LRFN2: variants seen among roughly 807,000 people sequenced by gnomAD.
LRFN2 encodes the protein leucine rich repeat and fibronectin type III domain containing 2.
Under a neutral mutation model 37.3 loss-of-function variants are expected in LRFN2, and 18 were observed. The ratio of observed to expected loss-of-function variants is 0.48; its 90% confidence interval spans 0.33 to 0.72. The LOEUF is 0.72. LRFN2 is among the 30% of genes least tolerant of loss of function. The pLI, the probability that LRFN2 is intolerant of heterozygous loss-of-function variation, is 0.02. For missense variants in LRFN2, 1,006 were observed against 1,060.7 expected, an observed-to-expected ratio of 0.95 and a Z score of 0.72; for synonymous variants, 556 against 466.6, an observed-to-expected ratio of 1.19 and a Z score of -2.47.
chr6:40,562,277 G>A (rs1300873522), intron 1 of LRFN2, among the ~76,000 whole-genome samples: 1 of 152,098 alleles, frequency 6.6e-6, no homozygotes, highest in Non-Finnish European at 1.5e-5. Flanking sequence ...GAGGAACCAT[G>A]ACTACGCAAT....
chr6:40,549,619 C>T (rs144717731), intron 1 of LRFN2, among the ~76,000 whole-genome samples: 40 of 152,226 alleles, frequency 2.6e-4, no homozygotes, highest in African/African-American at 7.7e-4. Context: ...AATCTGGAGT[C>T]TGGTAGGGAT....
At chr6:40,471,822 C>A (rs1581731689) in intron 1 of LRFN2, among the ~76,000 whole-genome samples, 1 of 152,286 alleles carries the variant, frequency 6.6e-6, no homozygotes, top group East Asian at 1.9e-4. Flanking sequence ...TACCCACAAC[C>A]AGATATATAG....
At chr6:40,454,034 G>C (rs1299112158) in intron 1 of LRFN2, among the ~76,000 whole-genome samples, 1 of 152,188 alleles carries the variant, frequency 6.6e-6, no homozygotes, top group Non-Finnish European at 1.5e-5. Context: ...GTTCCCTGAA[G>C]TGGGGTCTCC....
chr6:40,537,290 C>T (rs1017721609), intron 1 of LRFN2, among the ~76,000 whole-genome samples: 1 of 152,216 alleles, frequency 6.6e-6, no homozygotes, highest in African/African-American at 2.4e-5. Context: ...ACATCGTAGG[C>T]CCTCAGGAAT....
chr6:40,543,815 C>A (rs1395157339), intron 1 of LRFN2, among the ~76,000 whole-genome samples: 1 of 152,236 alleles, frequency 6.6e-6, no homozygotes, highest in East Asian at 1.9e-4. Context: ...CTCAATCTTC[C>A]CATTTCCTGT....
intron 1 of LRFN2, among the ~76,000 whole-genome samples, chr6:40,544,266 TC>T (rs1766613434): frequency 6.6e-6 from 1 of 152,196 alleles, no homozygotes; most frequent in South Asian, 2.1e-4. Context: ...TCTCACCCAT[TC>T]CCATTGATGC....
intron 1 of LRFN2, among the ~76,000 whole-genome samples, chr6:40,461,453 C>A (rs781405265): frequency 6.6e-6 from 1 of 151,848 alleles, no homozygotes; most frequent in Non-Finnish European, 1.5e-5. Flanking sequence ...ATACACACTG[C>A]ATGTCCAACA....
rs192190346 is a variant in LRFN2, at chr6:40,538,551, A to G, written c.-19+48390T>C. On this transcript the variant is annotated intron_variant, in intron 1 of 2. Coordinates refer to ENST00000338305, the MANE Select transcript of LRFN2 (RefSeq NM_020737.3). ...GTTCTGCAACAACAAATTGGCCACT[A>G]TATTGTCCTTGCTGCGCAAGATCCT... Among the ~76,000 whole-genome samples, 393 of 152,370 alleles carry G rather than the reference A, an allele frequency of 2.6e-3. 1 individual carries two copies. Among genetic ancestry groups the G allele is most frequent in the African/African-American group, 8.8e-3 (367 of 41,582 alleles).
chr6:40,569,845 A>G (rs1368932496), intron 1 of LRFN2, among the ~76,000 whole-genome samples: 2 of 151,962 alleles, frequency 1.3e-5, no homozygotes, highest in Non-Finnish European at 2.9e-5. Flanking sequence ...CTTCCCCACC[A>G]AGACTAAGCT....
chr6:40,573,979 C>G (rs1280756528), intron 1 of LRFN2, among the ~76,000 whole-genome samples: 1 of 152,112 alleles, frequency 6.6e-6, no homozygotes, highest in African/African-American at 2.4e-5. Context: ...AACAAACAAA[C>G]AAACAAACCA....
intron 1 of LRFN2, among the ~76,000 whole-genome samples, chr6:40,537,287 A>G (rs1411644776): frequency 6.6e-6 from 1 of 152,210 alleles, no homozygotes; most frequent in Non-Finnish European, 1.5e-5. Flanking sequence ...GGCACATCGT[A>G]GGCCCTCAGG....
intron 1 of LRFN2, among the ~76,000 whole-genome samples, chr6:40,560,252 C>T (rs760798631): frequency 2.0e-5 from 3 of 152,152 alleles, no homozygotes; most frequent in Non-Finnish European, 2.9e-5. Flanking sequence ...TCAGGGACAG[C>T]GCTCTAACCA....
At chr6:40,547,154 G>T (rs1766679470) in intron 1 of LRFN2, among the ~76,000 whole-genome samples, 1 of 147,548 alleles carries the variant, frequency 6.8e-6, no homozygotes, top group South Asian at 2.1e-4. Context: ...ACCCAGGCTA[G>T]AGTGCAGTGG....
chr6:40,552,695 T>C lies in LRFN2; in HGVS notation c.-19+34246A>G, dbSNP rs562869532. On this transcript the variant is annotated intron_variant, in intron 1 of 2. Coordinates refer to ENST00000338305, the MANE Select transcript of LRFN2 (RefSeq NM_020737.3). ...TTCCTTTCTTGCTTGAAAAAATTCA[T>C]TATAAAACCAATTATCATTAAAAGA... 5.3e-5 allele frequency among the ~76,000 whole-genome samples: 8 copies of C among 152,298 alleles called. No homozygotes were observed. The South Asian group carries it at 1.5e-3, about 28-fold the overall frequency.
At chr6:40,422,204 A>T (rs931945811) in intron 2 of LRFN2, among the ~76,000 whole-genome samples, 1 of 152,214 alleles carries the variant, frequency 6.6e-6, no homozygotes, top group Non-Finnish European at 1.5e-5. Context: ...GATGAAGCAA[A>T]TCTCAAAGAG....
intron 1 of LRFN2, among the ~76,000 whole-genome samples, chr6:40,505,679 C>T (rs1581758667): frequency 1.3e-5 from 2 of 152,308 alleles, no homozygotes; most frequent in East Asian, 1.9e-4. Flanking sequence ...TTCATAATCA[C>T]TGGGTAGCCT....
At chr6:40,475,519 A>G (rs181387445) in intron 1 of LRFN2, among the ~76,000 whole-genome samples, 159 of 152,198 alleles carry the variant, frequency 1.0e-3, no homozygotes, top group African/African-American at 3.6e-3. Flanking sequence ...GACAGCTTCT[A>G]TAGGTTGTGC....
At chr6:40,561,288 C>G (rs1040096563) in intron 1 of LRFN2, among the ~76,000 whole-genome samples, 1 of 152,156 alleles carries the variant, frequency 6.6e-6, no homozygotes, top group Non-Finnish European at 1.5e-5. Context: ...GGCCTGGGCC[C>G]AGGCCCTCAC....
chr6:40,513,234 A>AC (rs1765765977), intron 1 of LRFN2, among the ~76,000 whole-genome samples: 1 of 144,560 alleles, frequency 6.9e-6, no homozygotes, highest in Non-Finnish European at 1.5e-5. Flanking sequence ...TCATTTAACA[A>AC]TTTTTTTTTT....
Sources: allele counts gnomAD v4.1 joint callset (sites outside exome capture counted in the v4.1 genomes callset), GRCh38; gene constraint gnomAD v4.1.1; transcripts MANE v1.5; gene names NCBI Gene and HGNC (gene_info 2026-07-23, HGNC 2026-07-21).